RP1: variants seen among roughly 807,000 people sequenced by gnomAD.
RP1 encodes the protein RP1 axonemal microtubule associated.
In RP1, 16 loss-of-function variants were observed where a neutral mutation model predicts 14.8. The observed-to-expected ratio is 1.08, with a 90% confidence interval of 0.73 to 1.65. The LOEUF is 1.65. RP1 is among the 40% of genes most tolerant of loss of function. The pLI, the probability that RP1 is intolerant of heterozygous loss-of-function variation, is 0.00. For synonymous variants in RP1, 876 were observed against 883.6 expected, an observed-to-expected ratio of 0.99 and a Z score of 0.15; for missense variants, 2,631 against 2,535.0, an observed-to-expected ratio of 1.04 and a Z score of -0.81.
At chr8:54,705,470 G>T (rs1394111579) in intron 14 of RP1, among the ~76,000 whole-genome samples, 3 of 152,148 alleles carry the variant, frequency 2.0e-5, no homozygotes, top group Non-Finnish European at 2.9e-5. Flanking sequence ...CTTCCATCCT[G>T]TAGTGAGTCC....
chr8:54,859,352 G>C (rs1298412416), intron 27 of RP1, among the ~76,000 whole-genome samples: 1 of 151,428 alleles, frequency 6.6e-6, no homozygotes, highest in Non-Finnish European at 1.5e-5. Context: ...TGGTGTCCCT[G>C]TGGAGTGTGT....
chr8:54,623,544 C>T (rs555165936), intron 3 of RP1, among the ~76,000 whole-genome samples: 3 of 151,954 alleles, frequency 2.0e-5, no homozygotes, highest in Admixed American at 2.0e-4. Context: ...AGTGATCACC[C>T]GCCTCAGCCT....
intron 8 of RP1, chr8:54,673,996 A>G (rs80303530): frequency 8.1e-7 from 1 of 1,229,946 alleles, no homozygotes; most frequent in East Asian, 2.6e-5. Flanking sequence ...CTCTGTTCAA[A>G]TCTAGAAAAT....
chr8:54,608,179 C>G (rs1283137898), intron 1 of RP1, among the ~76,000 whole-genome samples: 1 of 147,368 alleles, frequency 6.8e-6, no homozygotes, highest in Non-Finnish European at 1.5e-5. Flanking sequence ...TTTTGGCCAT[C>G]TGCCTTTTTT....
rs375731514 is a variant in RP1 at position 54,626,793 on chromosome 8, A to G, written c.2911A>G (p.Ser971Gly). The change falls in exon 4 of 4, where the codon AGT becomes GGT. Residue 971 changes from serine (S) to glycine (G), a missense_variant. Transcript: ENST00000220676. ...SGKISNFVME[S>G]NKHITKIAGL... Reference sequence around the variant, plus strand: ...AAAAATAAGTAATTTTGTTATGGAAAGTAATAAGCACATAACTAAAATTGC... The same window carrying G: ...AAAAATAAGTAATTTTGTTATGGAAGGTAATAAGCACATAACTAAAATTGC... 3.1e-6 allele frequency: 5 copies of G among 1,613,696 alleles called. No homozygotes were observed. Among genetic ancestry groups the G allele is most frequent in the Non-Finnish European group, 4.2e-6 (5 of 1,179,916 alleles).
chr8:54,717,068 T>C (rs1330586412), intron 15 of RP1, among the ~76,000 whole-genome samples: 4 of 152,186 alleles, frequency 2.6e-5, no homozygotes, highest in Non-Finnish European at 5.9e-5. Context: ...GTTTTCTCTA[T>C]GTAATATATG....
Position 54,626,379 on chromosome 8 carries a change from T to C in RP1, c.2497T>C (p.Phe833Leu), listed in dbSNP as rs374856454. Residue 833 changes from phenylalanine (F) to leucine (L), a missense_variant, in exon 4 of 4, where the codon TTT becomes CTT. Coordinates refer to ENST00000220676, the MANE Select transcript of RP1 (RefSeq NM_006269.2). ...FNILEQKPKD[F>L]YAPQSQAEVA... The stretch of plus-strand genomic sequence containing the variant: ...CATCCTTGAGCAAAAACCCAAAGAT[T>C]TTTATGCACCGCAATCTCAAGCAGA... 6 of 1,613,536 alleles carry C rather than the reference T, an allele frequency of 3.7e-6. No homozygotes were observed. Among genetic ancestry groups the C allele is most frequent in the Middle Eastern group, 1.7e-4 (1 of 6,058 alleles).
At chr8:54,659,411 G>A in intron 6 of RP1, among the ~76,000 whole-genome samples, 1 of 152,172 alleles carries the variant, frequency 6.6e-6, no homozygotes, top group East Asian at 1.9e-4. Flanking sequence ...ATTGATGTAA[G>A]ATAAAGATTC....
chr8:54,687,804 A>G (rs933958621), intron 12 of RP1, among the ~76,000 whole-genome samples: 1 of 152,214 alleles, frequency 6.6e-6, no homozygotes, highest in Admixed American at 6.5e-5. Context: ...AGAATGACTT[A>G]TAATCCTTTG....
rs974625356 is a variant in RP1 at position 54,608,730 on chromosome 8, T to G, written c.-12-12225T>G. On this transcript the variant is annotated intron_variant, in intron 1 of 22. Transcript: ENST00000636932. ...ATTAGAGAGTAAGTCTTAAATATAT[T>G]TGCTATCCTAATAACAATAGTCTGT... 2.6e-5 allele frequency among the ~76,000 whole-genome samples: 4 copies of G among 152,204 alleles called. 1 individual carries two copies. Among genetic ancestry groups the G allele is most frequent in the Non-Finnish European group, 5.9e-5 (4 of 68,038 alleles).
chr8:54,850,434 C>T (rs1276572650), intron 25 of RP1, among the ~76,000 whole-genome samples: 1 of 152,194 alleles, frequency 6.6e-6, no homozygotes, highest in Non-Finnish European at 1.5e-5. Context: ...ATATCCTTCC[C>T]TTGAGGTCAG....
At chr8:54,670,714 T>A (rs1432398064) in intron 7 of RP1, among the ~76,000 whole-genome samples, 3 of 129,540 alleles carry the variant, frequency 2.3e-5, no homozygotes, top group African/African-American at 6.1e-5. Flanking sequence ...TATAAAACAT[T>A]AAGTCCTGGT....
chr8:54,858,851 T>G (rs1038917079), intron 27 of RP1, among the ~76,000 whole-genome samples: 1 of 152,004 alleles, frequency 6.6e-6, no homozygotes, highest in Non-Finnish European at 1.5e-5. Flanking sequence ...TGTAGAGTAG[T>G]GTCGCTGTAG....
chr8:54,604,796 T>A (rs1191017681), intron 1 of RP1, among the ~76,000 whole-genome samples: 1 of 152,232 alleles, frequency 6.6e-6, no homozygotes, highest in Non-Finnish European at 1.5e-5. Flanking sequence ...AATTTATCCA[T>A]TTCTTCTAGA....
rs763192570 is a variant in RP1, at chr8:54,820,824, G to A, written c.3616-16626G>A. On this transcript the variant is annotated intron_variant, in intron 24 of 28. Transcript: ENST00000637698. Reference sequence around the variant, plus strand: ...TTGGTGTTCCTGAGAGGGGAGGATCGCTGCGGGCCATCTTTCTCCACCTCC... The same window carrying A: ...TTGGTGTTCCTGAGAGGGGAGGATCACTGCGGGCCATCTTTCTCCACCTCC... Among the ~76,000 whole-genome samples the A allele has an allele frequency of 5.9e-5, 9 of 152,032 alleles. 1 individual carries two copies. Among genetic ancestry groups the A allele is most frequent in the Non-Finnish European group, 1.2e-4 (8 of 68,010 alleles).
chr8:54,806,206 A>G (rs1182391628), intron 24 of RP1, among the ~76,000 whole-genome samples: 3 of 151,870 alleles, frequency 2.0e-5, no homozygotes, highest in Non-Finnish European at 4.4e-5. Context: ...TTTAGTAGAA[A>G]CGGGGTTTCA....
chr8:54,662,172 A>G (rs1806914140), intron 6 of RP1, among the ~76,000 whole-genome samples: 1 of 152,104 alleles, frequency 6.6e-6, no homozygotes, highest in Non-Finnish European at 1.5e-5. Context: ...TATTCTTATT[A>G]TATTCTGGGA....
intron 17 of RP1, among the ~76,000 whole-genome samples, chr8:54,733,498 G>C (rs1009365339): frequency 6.6e-6 from 1 of 151,994 alleles, no homozygotes; most frequent in African/African-American, 2.4e-5. Context: ...TTTTTGCATG[G>C]TTTTTATTTT....
In RP1 at chr8:54,621,163, T is replaced by C. The variant is rs1409112179; in HGVS notation, c.197T>C (p.Leu66Pro). The C allele has an allele frequency of 1.2e-6, 2 of 1,614,064 alleles. No individual in the cohort carries two copies. The highest frequency in any genetic ancestry group is 2.7e-5 in the African/African-American group (2 of 74,916). Residue 66 changes from leucine to proline, a missense_variant, in exon 2 of 4, where the codon CTG becomes CCG. Transcript: ENST00000220676. ...CGCTCCTTTAAGTCCTTTGATGCTCTGCTGGATAACTTGTCCAGGAAGGTG... is the reference window on the plus strand; with the variant it reads ...CGCTCCTTTAAGTCCTTTGATGCTCCGCTGGATAACTTGTCCAGGAAGGTG... ...NPRSFKSFDALLDNLSRKVPL... is the reference protein window; with the variant it reads ...NPRSFKSFDAPLDNLSRKVPL...
Sources: gnomAD v4.1 joint callset for allele counts (sites outside exome capture counted in the v4.1 genomes callset) on GRCh38, gnomAD v4.1.1 for gene constraint, MANE v1.5 for transcripts, NCBI Gene and HGNC (gene_info 2026-07-23, HGNC 2026-07-21) for gene names.